AGTPBP1: variants seen among roughly 807,000 people sequenced by gnomAD.
AGTPBP1 encodes the protein ATP/GTP binding carboxypeptidase 1.
AGTPBP1 carries 70 observed loss-of-function variants against 143.9 expected under a neutral mutation model. The observed-to-expected ratio is 0.49, with a 90% confidence interval of 0.40 to 0.59. AGTPBP1 has a LOEUF of 0.59. Ranked by LOEUF, AGTPBP1 falls within the 20% of genes least tolerant of loss-of-function variation. AGTPBP1 has a pLI of 0.00. For synonymous variants in AGTPBP1, 463 were observed against 500.2 expected (o/e 0.93, Z 0.99); for missense variants, 1,229 against 1,464.5 (o/e 0.84, Z 2.62).
intron 25 of AGTPBP1, among the ~76,000 whole-genome samples, chr9:85,567,987 A>G (rs140501759): frequency 6.6e-6 from 1 of 152,246 alleles, no homozygotes; most frequent in Non-Finnish European, 1.5e-5. Flanking sequence ...TAATGTACTG[A>G]AACTGAACCA....
the AGTPBP1 span, chr9:85,786,334 G>A: frequency 5.2e-5 from 84 of 1,613,010 alleles, 1 homozygote; most frequent in East Asian, 1.8e-3. Flanking sequence ...GTTAGGTAAT[G>A]AGAATAAAAC....
At chr9:85,741,718 C>T in intron 1 of AGTPBP1, 57 bp downstream of exon 1, 2 of 1,271,782 alleles carry the variant, frequency 1.6e-6, no homozygotes, top group South Asian at 5.2e-5. Flanking sequence ...CTCCCGCGGC[C>T]CGGGGAGAGC....
At chr9:85,735,750 A>C (rs1170512055) in intron 1 of AGTPBP1, among the ~76,000 whole-genome samples, 1 of 152,184 alleles carries the variant, frequency 6.6e-6, no homozygotes, top group Non-Finnish European at 1.5e-5. Context: ...AAACCTAAAG[A>C]GTTCTTGTTA....
intron 2 of AGTPBP1, among the ~76,000 whole-genome samples, chr9:85,696,563 G>A (rs1419465854): frequency 1.3e-5 from 2 of 151,988 alleles, no homozygotes; most frequent in Non-Finnish European, 2.9e-5. Flanking sequence ...AGCTACTTGG[G>A]AGGCTGAGGC....
At chr9:85,674,122 T>TA (rs35435972) in intron 6 of AGTPBP1, among the ~76,000 whole-genome samples, 52,570 of 117,230 alleles carry the variant, frequency 0.45, 12,153 homozygotes, top group East Asian at 0.84. Flanking sequence ...GACTCCATCT[T>TA]AAAAAAAAAA....
At chr9:85,761,581 C>T in the AGTPBP1 span, among the ~76,000 whole-genome samples, 1 of 152,186 alleles carries the variant, frequency 6.6e-6, no homozygotes, top group African/African-American at 2.4e-5. Flanking sequence ...ATGTAGAAAG[C>T]TGAAACTGGA....
At chr9:85,561,868 T>C (rs1826754415) in intron 25 of AGTPBP1, among the ~76,000 whole-genome samples, 1 of 150,558 alleles carries the variant, frequency 6.6e-6, no homozygotes. Flanking sequence ...AGTCTTACTC[T>C]GTCACCCAAG....
intron 25 of AGTPBP1, among the ~76,000 whole-genome samples, chr9:85,571,909 T>C (rs1827491846): frequency 6.6e-6 from 1 of 151,386 alleles, no homozygotes; most frequent in African/African-American, 2.4e-5. Context: ...AAGAAGTGAC[T>C]AGTTTGCCTA....
At chr9:85,650,304 T>G (rs1435201897) in intron 11 of AGTPBP1, among the ~76,000 whole-genome samples, 2 of 152,146 alleles carry the variant, frequency 1.3e-5, no homozygotes, top group Non-Finnish European at 2.9e-5. Context: ...TACACAGATT[T>G]TCTTCTGCCT....
the AGTPBP1 span, among the ~76,000 whole-genome samples, chr9:85,773,137 C>T: frequency 1.3e-5 from 2 of 150,192 alleles, no homozygotes; most frequent in Non-Finnish European, 3.0e-5. Context: ...TGGTGGCGGG[C>T]GCCTGTAGTC....
Position 85,674,804 on chromosome 9 carries a change from C to G in AGTPBP1, c.437-2123G>C, listed in dbSNP as rs78240500. Among the ~76,000 whole-genome samples, 305 of 152,314 alleles carry G rather than the reference C, an allele frequency of 2.0e-3. 2 individuals are homozygous for G. The East Asian group carries it at 0.024, about 12-fold the overall frequency. ...ATACGTATGTTAATAAATACACAAACTATGTACACACGCATCCTCATTTTT... is the reference window on the plus strand; with the variant it reads ...ATACGTATGTTAATAAATACACAAAGTATGTACACACGCATCCTCATTTTT... On this transcript the variant is annotated intron_variant, in intron 6 of 25. Coordinates refer to ENST00000357081, the MANE Select transcript of AGTPBP1 (RefSeq NM_001330701.2).
intron 17 of AGTPBP1, among the ~76,000 whole-genome samples, chr9:85,603,279 G>A (rs1335765103): frequency 1.1e-3 from 169 of 152,264 alleles, no homozygotes; most frequent in African/African-American, 3.9e-3. Context: ...AGTGGAGACG[G>A]GAGAGTAAAA....
intron 1 of AGTPBP1, among the ~76,000 whole-genome samples, chr9:85,721,917 C>T (rs1838149698): frequency 6.6e-6 from 1 of 152,148 alleles, no homozygotes; most frequent in Non-Finnish European, 1.5e-5. Context: ...TTTTATTTCT[C>T]CTTCACTTAT....
chr9:85,625,755 C>T (rs999612590), intron 14 of AGTPBP1, among the ~76,000 whole-genome samples: 1 of 151,528 alleles, frequency 6.6e-6, no homozygotes, highest in Non-Finnish European at 1.5e-5. Flanking sequence ...AGTGGTGGCA[C>T]GTGCCTGTAA....
chr9:85,631,293 C>T (rs75870571), intron 14 of AGTPBP1, among the ~76,000 whole-genome samples: 1 of 152,230 alleles, frequency 6.6e-6, no homozygotes. Flanking sequence ...TCTGTTCCCA[C>T]CTCCTGGTTC....
At chr9:85,693,472 C>T (rs1355699032) in intron 2 of AGTPBP1, among the ~76,000 whole-genome samples, 1 of 152,148 alleles carries the variant, frequency 6.6e-6, no homozygotes, top group Non-Finnish European at 1.5e-5. Context: ...GTGGCGCATG[C>T]CTGCAATCCC....
intron 10 of AGTPBP1, among the ~76,000 whole-genome samples, chr9:85,655,803 T>C (rs1418944408): frequency 6.6e-6 from 1 of 152,120 alleles, no homozygotes; most frequent in African/African-American, 2.4e-5. Flanking sequence ...ATAGCCTGAA[T>C]ATCACAATAT....
chr9:85,782,439 C>T, the AGTPBP1 span, among the ~76,000 whole-genome samples: 13 of 152,008 alleles, frequency 8.6e-5, no homozygotes, highest in African/African-American at 2.2e-4. Flanking sequence ...CGCTTGAACC[C>T]GGGAGGCAGA....
intron 18 of AGTPBP1, among the ~76,000 whole-genome samples, chr9:85,593,606 G>C (rs530671815): frequency 1.3e-5 from 2 of 152,214 alleles, no homozygotes; most frequent in African/African-American, 4.8e-5. Context: ...TTGTCTTTTA[G>C]AAATACGTAT....
Sources: allele counts gnomAD v4.1 joint callset (sites outside exome capture counted in the v4.1 genomes callset), GRCh38; gene constraint gnomAD v4.1.1; transcripts MANE v1.5; gene names NCBI Gene and HGNC (gene_info 2026-07-23, HGNC 2026-07-21).